CEP162: variants seen among roughly 807,000 people sequenced by gnomAD.
The protein encoded by CEP162 is centrosomal protein of 162 kDa.
In CEP162, 141 loss-of-function variants were observed where a neutral mutation model predicts 169.2. The observed-to-expected ratio is 0.83, with a 90% CI of 0.73 to 0.96. CEP162 has a LOEUF of 0.96. Among genes scored for constraint, CEP162 ranks in the 40% least tolerant of loss-of-function variants. The probability of loss-of-function intolerance (pLI) is 0.00; values close to 1 mark genes in which losing one functional copy is unlikely to be tolerated. For missense variants in CEP162, 1,600 were observed against 1,587.2 expected (o/e 1.01, Z -0.14); for synonymous variants, 540 against 526.4 (o/e 1.03, Z -0.35).
chr6:84,210,209 T>C (rs535914031), intron 6 of CEP162, among the ~76,000 whole-genome samples: 83 of 152,344 alleles, frequency 5.4e-4, no homozygotes, highest in Non-Finnish European at 9.7e-4. Context: ...TCAAAAATGT[T>C]ATTTTGAGAA....
intron 11 of CEP162, among the ~76,000 whole-genome samples, chr6:84,189,020 C>T (rs531439900): frequency 7.2e-5 from 11 of 151,744 alleles, no homozygotes; most frequent in East Asian, 3.9e-4. Context: ...GTTGGCTGCA[C>T]GTCTTCTTTT....
intron 25 of CEP162, among the ~76,000 whole-genome samples, chr6:84,135,323 T>C: frequency 6.6e-6 from 1 of 152,252 alleles, no homozygotes; most frequent in East Asian, 1.9e-4. Flanking sequence ...AAAAGAGTGA[T>C]TCACCCAGAT....
At chr6:84,126,332 T>G in intron 26 of CEP162, 46 bp downstream of exon 26, 4 of 1,406,838 alleles carry the variant, frequency 2.8e-6, no homozygotes, top group Non-Finnish European at 2.8e-6. Flanking sequence ...TTAAAGGCAC[T>G]TAAAAGTAAA....
intron 24 of CEP162, among the ~76,000 whole-genome samples, chr6:84,147,472 C>T (rs1588726857): frequency 6.6e-6 from 1 of 152,042 alleles, no homozygotes; most frequent in East Asian, 1.9e-4. Flanking sequence ...TTCACGGTAA[C>T]TAGAAGAGAG....
At chr6:84,160,162 T>C (rs2099525181) in intron 21 of CEP162, among the ~76,000 whole-genome samples, 1 of 152,154 alleles carries the variant, frequency 6.6e-6, no homozygotes, top group Non-Finnish European at 1.5e-5. Context: ...TCATATTTTG[T>C]TTTAAAATAT....
chr6:84,159,447 G>A (rs2099524568), intron 21 of CEP162, among the ~76,000 whole-genome samples: 1 of 136,552 alleles, frequency 7.3e-6, no homozygotes, highest in South Asian at 2.4e-4. Flanking sequence ...TAAGTCTTTA[G>A]CACTAAAGAA....
At chr6:84,226,474 C>G (rs1444420207) in intron 1 of CEP162, 22 bp from the exon 2 acceptor site, 1 of 1,010,708 alleles carries the variant, frequency 9.9e-7, no homozygotes, top group East Asian at 2.6e-5. Flanking sequence ...GAGACATAAA[C>G]ATCTTTTGAG....
At position 84,149,661 on chromosome 6, in the gene CEP162, T is replaced by C. The variant is rs768658911; in HGVS notation, c.3672A>G (p.Ala1224=). The C allele has an allele frequency of 1.3e-6, 2 of 1,591,054 alleles. No homozygotes were observed. Residue 1224 remains alanine (A), a synonymous_variant, in exon 24 of 27, where the codon GCA becomes GCG. Transcript: ENST00000403245. ...DTAAHIASLK[A]SHQREIEKLL... ...GTTTCTCTATTTCTCTCTGATGAGA[T>C]GCTTTGAGGGATGCAATGTGTGCTG... is the stretch of plus-strand genomic sequence containing the variant.
chr6:84,160,769 T>C, intron 21 of CEP162, 43 bp downstream of exon 21: 1 of 1,214,384 alleles, frequency 8.2e-7, no homozygotes, highest in Non-Finnish European at 1.2e-6. Context: ...CAAAATGCAC[T>C]ATATATAAAA....
chr6:84,160,758 C>T (rs1350643904), intron 21 of CEP162, 54 bp downstream of exon 21: 1 of 1,149,942 alleles, frequency 8.7e-7, no homozygotes, highest in African/African-American at 1.5e-5. Flanking sequence ...AAAGAGAAAA[C>T]CAAAATGCAC....
chr6:84,167,112 A>G (rs1208761901), intron 18 of CEP162, among the ~76,000 whole-genome samples: 5 of 152,174 alleles, frequency 3.3e-5, no homozygotes, highest in Non-Finnish European at 7.3e-5. Context: ...TAATTTGAGA[A>G]TTCACCTTTT....
chr6:84,138,816 T>C (rs1208028516), intron 25 of CEP162, among the ~76,000 whole-genome samples: 1 of 152,174 alleles, frequency 6.6e-6, no homozygotes, highest in African/African-American at 2.4e-5. Context: ...AGTTCTGAGG[T>C]TCTGTAAACT....
intron 16 of CEP162, 67 bp from the exon 17 acceptor site, chr6:84,171,785 G>A: frequency 3.7e-6 from 2 of 546,688 alleles, no homozygotes; most frequent in Non-Finnish European, 3.0e-6. Context: ...TAATATATGT[G>A]CTCATAATAG....
At chr6:84,175,681 T>A (rs984868773) in intron 13 of CEP162, among the ~76,000 whole-genome samples, 10 of 152,290 alleles carry the variant, frequency 6.6e-5, no homozygotes, top group Admixed American at 5.2e-4. Flanking sequence ...CTGTTAAATG[T>A]TCATAGCAAT....
chr6:84,148,173 C>T (rs2099519765), intron 24 of CEP162, among the ~76,000 whole-genome samples: 1 of 152,060 alleles, frequency 6.6e-6, no homozygotes, highest in Non-Finnish European at 1.5e-5. Context: ...TTACGAAAGG[C>T]ACTTTAAGTA....
intron 26 of CEP162, 131 bp downstream of exon 26, chr6:84,126,247 T>A (rs532681907): frequency 2.1e-5 from 12 of 566,650 alleles, no homozygotes; most frequent in African/African-American, 1.9e-4. Context: ...ATTTATTAAA[T>A]TTTTAACAAG....
At chr6:84,178,881 A>G (rs574494135) in intron 13 of CEP162, among the ~76,000 whole-genome samples, 3 of 152,174 alleles carry the variant, frequency 2.0e-5, no homozygotes, top group South Asian at 4.2e-4. Context: ...TCATTGTTCA[A>G]TTCCCACCTA....
intron 25 of CEP162, among the ~76,000 whole-genome samples, chr6:84,146,210 G>C (rs2099518802): frequency 6.6e-6 from 1 of 152,018 alleles, no homozygotes; most frequent in Non-Finnish European, 1.5e-5. Context: ...CCACCATTTT[G>C]AGTTACTTTG....
chr6:84,135,592 G>A (rs1396676484), intron 25 of CEP162, among the ~76,000 whole-genome samples: 1 of 151,982 alleles, frequency 6.6e-6, no homozygotes, highest in Non-Finnish European at 1.5e-5. Flanking sequence ...GCTGGTCGTG[G>A]TGGCTCACGC....
Sources: allele counts gnomAD v4.1 joint callset (sites outside exome capture counted in the v4.1 genomes callset), GRCh38; gene constraint gnomAD v4.1.1; transcripts MANE v1.5; gene names NCBI Gene and HGNC (gene_info 2026-07-23, HGNC 2026-07-21).